Variants in SREK1IP1 observed in about 807,000 individuals in gnomAD.
The protein encoded by SREK1IP1 is SREK1 interacting protein 1.
In SREK1IP1, 12 loss-of-function variants were observed where a neutral mutation model predicts 22.8. The ratio of observed to expected loss-of-function variants is 0.53; its 90% CI spans 0.34 to 0.85. The LOEUF is 0.85. Ranked by LOEUF, SREK1IP1 falls within the 40% of genes least tolerant of loss-of-function variation. The pLI is 0.02. For missense variants in SREK1IP1, 147 were observed against 171.8 expected (o/e 0.86, Z 0.81); for synonymous variants, 53 against 52.7 (o/e 1.01, Z -0.02).
At chr5:64,727,553 A>ATATATATATATATATATATATATTTTTTT in intron 4 of SREK1IP1, 1 of 84,716 alleles carries the variant, frequency 1.2e-5, no homozygotes, top group African/African-American at 5.5e-5. Flanking sequence ...ATATATATAT[A>ATATATATATATATATATATATATTTTTTT]TTTTTTTTTT....
At chr5:64,743,670 A>T (rs1176911443) in intron 2 of SREK1IP1, among the ~76,000 whole-genome samples, 1 of 152,204 alleles carries the variant, frequency 6.6e-6, no homozygotes, top group African/African-American at 2.4e-5. Flanking sequence ...TCTCTAGGGT[A>T]GATTTGTCAA....
intron 3 of SREK1IP1, among the ~76,000 whole-genome samples, chr5:64,735,585 TCTG>T (rs1488622384): frequency 1.3e-5 from 2 of 152,124 alleles, no homozygotes; most frequent in Non-Finnish European, 2.9e-5. Context: ...TCTTCAAACT[TCTG>T]CTGGTTTGTA....
At chr5:64,741,911 C>T (rs866221881) in intron 2 of SREK1IP1, among the ~76,000 whole-genome samples, 7 of 150,562 alleles carry the variant, frequency 4.6e-5, no homozygotes, top group Middle Eastern at 6.8e-3. Flanking sequence ...AAAGCTCACT[C>T]GCATGCCTGT....
chr5:64,747,370 AG>A, intron 2 of SREK1IP1, among the ~76,000 whole-genome samples: 1 of 152,172 alleles, frequency 6.6e-6, no homozygotes, highest in Non-Finnish European at 1.5e-5. Flanking sequence ...TCGCCTTATT[AG>A]TATAAACTCA....
intron 2 of SREK1IP1, among the ~76,000 whole-genome samples, chr5:64,749,797 TG>T (rs1248572805): frequency 2.6e-5 from 4 of 152,256 alleles, no homozygotes; most frequent in African/African-American, 9.6e-5. Context: ...CTGACCTAGC[TG>T]ATCATTGCCC....
At chr5:64,728,963 C>T (rs1314490267) in intron 3 of SREK1IP1, among the ~76,000 whole-genome samples, 2 of 151,998 alleles carry the variant, frequency 1.3e-5, no homozygotes, top group African/African-American at 2.4e-5. Context: ...GGAGGCGAGG[C>T]GGGTGGATCA....
rs1300133477 is a variant in SREK1IP1, at chr5:64,736,369, T to C, written c.205+4688A>G. On this transcript the variant is annotated intron_variant, in intron 3 of 4. Transcript: ENST00000513458. ...TGAGAAAGGTGTTGAGATCGCTGGC[T>C]ATAATTGCAAATTTGTCTATCCATA... 8.5e-5 allele frequency among the ~76,000 whole-genome samples: 13 copies of C among 152,324 alleles called. No individual in the cohort carries two copies. In the East Asian group the frequency reaches 2.5e-3, roughly 29 times the overall value.
rs1262988051 is a variant in SREK1IP1, at chr5:64,724,352, T to C, written c.*32A>G. On this transcript the variant is annotated 3_prime_UTR_variant, in exon 5 of 5. Transcript: ENST00000513458. ...GGCAAACACGTTTTAAAAACAAATT[T>C]TTAAATTTAACGGCTTAAGCCAAAG... 1 of 1,488,386 alleles carries C rather than the reference T, an allele frequency of 6.7e-7. No individual in the cohort carries two copies. The highest frequency in any genetic ancestry group is 2.3e-5 in the East Asian group (1 of 43,204). 92.2% of individuals were successfully genotyped at this position (1,488,386 alleles called of 1,614,324 possible). A position where few individuals can be genotyped will look rare whatever the true frequency, so the allele number is the denominator to read the frequency against.
At chr5:64,767,895 C>T (rs16893132) in intron 1 of SREK1IP1, among the ~76,000 whole-genome samples, 7,110 of 152,206 alleles carry the variant, frequency 0.047, 472 homozygotes, top group African/African-American at 0.14. Context: ...AGTAATTATT[C>T]TGCAGAGTTC....
At chr5:64,746,959 G>A (rs1167439414) in intron 2 of SREK1IP1, among the ~76,000 whole-genome samples, 1 of 152,170 alleles carries the variant, frequency 6.6e-6, no homozygotes, top group African/African-American at 2.4e-5. Flanking sequence ...ACAGAACTCA[G>A]CAAAACAGTT....
chr5:64,725,595 C>T (rs1038418024), intron 4 of SREK1IP1, among the ~76,000 whole-genome samples: 11 of 152,170 alleles, frequency 7.2e-5, no homozygotes, highest in South Asian at 2.1e-4. Flanking sequence ...TTAGTGACTC[C>T]GAGTTTTCCC....
intron 1 of SREK1IP1, among the ~76,000 whole-genome samples, chr5:64,766,304 G>A (rs1217231329): frequency 6.6e-6 from 1 of 152,174 alleles, no homozygotes. Context: ...CCCTTGTGAG[G>A]TGTTGTCATG....
intron 3 of SREK1IP1, among the ~76,000 whole-genome samples, chr5:64,739,133 G>T (rs1167242750): frequency 6.6e-6 from 1 of 152,066 alleles, no homozygotes; most frequent in African/African-American, 2.4e-5. Flanking sequence ...TTTGGTACTT[G>T]TGACACCTTT....
intron 1 of SREK1IP1, among the ~76,000 whole-genome samples, chr5:64,767,156 AGTTCCT>A: frequency 6.6e-6 from 1 of 152,212 alleles, no homozygotes; most frequent in African/African-American, 2.4e-5. Context: ...TTACGTATCC[AGTTCCT>A]CCGACTGCAG....
rs193278750 is a variant in SREK1IP1 at position 64,756,483 on chromosome 5, T to C, written c.14-2121A>G. ...TTCAAAGTTCATCCATATTATAGCATGTATTAGAATTTTATTCCCTTTTAT... is the reference window on the plus strand; with the variant it reads ...TTCAAAGTTCATCCATATTATAGCACGTATTAGAATTTTATTCCCTTTTAT... On this transcript the variant is annotated intron_variant, in intron 1 of 4. Transcript: ENST00000513458. Among the ~76,000 whole-genome samples the C allele has an allele frequency of 1.9e-3, 294 of 152,344 alleles. 1 individual carries two copies. Among genetic ancestry groups the C allele is most frequent in the Non-Finnish European group, 3.2e-3 (215 of 68,024 alleles).
intron 2 of SREK1IP1, among the ~76,000 whole-genome samples, chr5:64,747,330 T>A (rs1471549956): frequency 6.6e-6 from 1 of 152,132 alleles, no homozygotes; most frequent in African/African-American, 2.4e-5. Flanking sequence ...ATGGCCTCCA[T>A]CCTGAAATTA....
chr5:64,754,416 A>C, intron 1 of SREK1IP1, 54 bp from the exon 2 acceptor site: 2 of 1,545,164 alleles, frequency 1.3e-6, no homozygotes, highest in East Asian at 4.5e-5. Context: ...CGAAAACTTA[A>C]AAACTTTATT....
At chr5:64,730,198 G>T (rs528094704) in intron 3 of SREK1IP1, among the ~76,000 whole-genome samples, 1 of 152,250 alleles carries the variant, frequency 6.6e-6, no homozygotes, top group East Asian at 1.9e-4. Context: ...GAAGAGAGGG[G>T]CTACCTATCA....
At position 64,731,064 on chromosome 5, in the gene SREK1IP1, C is replaced by T. The variant is rs147310610; in HGVS notation, c.206-2885G>A. Among the ~76,000 whole-genome samples, 357 of 152,150 alleles carry T rather than the reference C, an allele frequency of 2.3e-3. 1 individual carries two copies. The highest frequency in any genetic ancestry group is 7.5e-3 in the African/African-American group (312 of 41,518). On this transcript the variant is annotated intron_variant, in intron 3 of 4. Coordinates refer to ENST00000513458, the MANE Select transcript of SREK1IP1 (RefSeq NM_173829.4). ...AAAGATAAGAACTTGGAGTAAAAAGCGTACAGTGTATGCCATTAATTTTGG... is the reference window on the plus strand; with the variant it reads ...AAAGATAAGAACTTGGAGTAAAAAGTGTACAGTGTATGCCATTAATTTTGG...
Sources: allele counts gnomAD v4.1 joint callset (sites outside exome capture counted in the v4.1 genomes callset), GRCh38; gene constraint gnomAD v4.1.1; transcripts MANE v1.5; gene names NCBI Gene and HGNC (gene_info 2026-07-23, HGNC 2026-07-21).